Variants in CSGALNACT1 observed in about 807,000 individuals in gnomAD.
The protein encoded by CSGALNACT1 is beta4GalNAcT-1.
Under a neutral mutation model 51.0 loss-of-function variants are expected in CSGALNACT1, and 52 were observed. The ratio of observed to expected loss-of-function variants is 1.02; its 90% CI spans 0.82 to 1.29. CSGALNACT1 has a LOEUF of 1.29. CSGALNACT1 is among the 50% of genes most tolerant of loss of function. The probability of loss-of-function intolerance (pLI) is 0.00; values close to 1 mark genes in which losing one functional copy is unlikely to be tolerated. For missense variants in CSGALNACT1, 935 were observed against 679.2 expected (o/e 1.38, Z -4.19); for synonymous variants, 341 against 254.4 (o/e 1.34, Z -3.24).
intron 6 of CSGALNACT1, among the ~76,000 whole-genome samples, chr8:19,437,981 C>A (rs1044883617): frequency 1.3e-5 from 2 of 152,184 alleles, no homozygotes; most frequent in Non-Finnish European, 2.9e-5. Flanking sequence ...AAAGGTATAG[C>A]CTTAAGCATT....
intron 6 of CSGALNACT1, 105 bp downstream of exon 5, chr8:19,439,725 C>T (rs2060995149): frequency 3.4e-6 from 3 of 876,496 alleles, no homozygotes; most frequent in Non-Finnish European, 5.6e-6. Flanking sequence ...CCCAGTTCAC[C>T]CACAGTGTAA....
intron 3 of CSGALNACT1, among the ~76,000 whole-genome samples, chr8:19,578,491 C>T (rs529779905): frequency 6.6e-6 from 1 of 151,660 alleles, no homozygotes; most frequent in Non-Finnish European, 1.5e-5. Flanking sequence ...AAAATATTAA[C>T]TTTTATTTAA....
intron 6 of CSGALNACT1, among the ~76,000 whole-genome samples, chr8:19,434,375 A>G (rs2060072111): frequency 6.6e-6 from 1 of 152,188 alleles, no homozygotes; most frequent in Admixed American, 6.5e-5. Context: ...ACCCTTGGCT[A>G]GATTCACTAA....
In CSGALNACT1 at chr8:19,757,633, G is replaced by A. The variant is rs2065480292; in HGVS notation, c.-297+217C>T. On this transcript the variant is annotated intron_variant, in intron 1 of 1. Coordinates refer to the CSGALNACT1 transcript ENST00000517494. The surrounding 1 kb of genome is among the most constrained non-coding windows in gnomAD (Gnocchi z 4.0). ...CACTGTGGCGTGGCCCGAGTTGCAGGAGAGAGGTGTCCAATCTCCATGGGG... is the reference window on the plus strand; with the variant it reads ...CACTGTGGCGTGGCCCGAGTTGCAGAAGAGAGGTGTCCAATCTCCATGGGG... 6.6e-6 allele frequency among the ~76,000 whole-genome samples: 1 copy of A among 152,164 alleles called. No individual in the cohort carries two copies. The highest frequency in any genetic ancestry group is 2.4e-5 in the African/African-American group (1 of 41,452).
intron 1 of CSGALNACT1, among the ~76,000 whole-genome samples, chr8:19,656,602 A>AC (rs938546149): frequency 2.4e-4 from 19 of 79,080 alleles, no homozygotes; most frequent in African/African-American, 7.3e-4. Flanking sequence ...CCCCCCCCCC[A>AC]CACACACACA....
At chr8:19,427,613 C>G (rs1445620756) in intron 6 of CSGALNACT1, among the ~76,000 whole-genome samples, 4 of 152,136 alleles carry the variant, frequency 2.6e-5, no homozygotes, top group African/African-American at 7.2e-5. Context: ...ACGGTGAAAC[C>G]CTGTCTCTAC....
At chr8:19,737,086 C>A (rs180891031) in intron 1 of CSGALNACT1, among the ~76,000 whole-genome samples, 181 of 152,192 alleles carry the variant, frequency 1.2e-3, no homozygotes, top group African/African-American at 4.1e-3. Context: ...CAGTTAAATA[C>A]TATATTTTAA....
chr8:19,624,093 C>T (rs1437316542), intron 1 of CSGALNACT1, among the ~76,000 whole-genome samples: 1 of 152,202 alleles, frequency 6.6e-6, no homozygotes, highest in African/African-American at 2.4e-5. Flanking sequence ...TAGTGCCCAG[C>T]ACCATTCTCC....
At chr8:19,569,080 A>T (rs2042469289) in intron 3 of CSGALNACT1, among the ~76,000 whole-genome samples, 1 of 152,242 alleles carries the variant, frequency 6.6e-6, no homozygotes, top group Non-Finnish European at 1.5e-5. Context: ...ATCAATTCTG[A>T]TAATGTAGAA....
At position 19,409,764 on chromosome 8, in the gene CSGALNACT1, A is replaced by G. The variant is rs188634186; in HGVS notation, c.1228-1070T>C. ...CATCTGGTTCTGTTCATCGTTAATT[A>G]GAAACGGTACATGAGAGGGGAGAAG... On this transcript the variant is annotated intron_variant, in intron 8 of 9. Coordinates refer to ENST00000454498, the Ensembl canonical transcript of CSGALNACT1. Among the ~76,000 whole-genome samples the G allele has an allele frequency of 4.6e-5, 7 of 152,302 alleles. No individual in the cohort carries two copies. The East Asian group carries it at 1.4e-3, about 29-fold the overall frequency.
At chr8:19,582,639 A>C (rs1023182456) in intron 3 of CSGALNACT1, among the ~76,000 whole-genome samples, 17 of 152,196 alleles carry the variant, frequency 1.1e-4, no homozygotes, top group African/African-American at 4.1e-4. Flanking sequence ...GATCAGCTGG[A>C]AAGACATAGA....
intron 1 of CSGALNACT1, among the ~76,000 whole-genome samples, chr8:19,743,999 G>A (rs1400185680): frequency 6.6e-6 from 1 of 152,138 alleles, no homozygotes; most frequent in South Asian, 2.1e-4. Context: ...GAAAGCTGAG[G>A]TATGTTATGA....
intron 3 of CSGALNACT1, among the ~76,000 whole-genome samples, chr8:19,525,988 G>A (rs567043857): frequency 6.6e-6 from 1 of 152,252 alleles, no homozygotes; most frequent in African/African-American, 2.4e-5. Context: ...TATCATATGT[G>A]CAAGAATGGG....
At chr8:19,453,225 G>C (rs149756153) in intron 5 of CSGALNACT1, among the ~76,000 whole-genome samples, 5 of 152,044 alleles carry the variant, frequency 3.3e-5, no homozygotes, top group Admixed American at 6.6e-5. Flanking sequence ...TTATTAACAA[G>C]AATATGAATT....
chr8:19,675,745 C>G (rs1589441204), intron 1 of CSGALNACT1, among the ~76,000 whole-genome samples: 1 of 152,100 alleles, frequency 6.6e-6, no homozygotes, highest in African/African-American at 2.4e-5. Flanking sequence ...ACCTCAGCCT[C>G]CTAAAATGCT....
At chr8:19,697,126 A>T (rs1282992147) in intron 1 of CSGALNACT1, among the ~76,000 whole-genome samples, 1 of 152,066 alleles carries the variant, frequency 6.6e-6, no homozygotes, top group Non-Finnish European at 1.5e-5. Context: ...ATCTAGCAGG[A>T]GAGTGGAGGA....
intron 1 of CSGALNACT1, chr8:19,732,474 T>C (rs2063745641): frequency 6.6e-6 from 1 of 152,232 alleles, no homozygotes; most frequent in Admixed American, 6.5e-5. Flanking sequence ...GACCTTTCAC[T>C]TGATATTGTC....
intron 1 of CSGALNACT1, among the ~76,000 whole-genome samples, chr8:19,677,850 A>G (rs774279218): frequency 6.6e-5 from 10 of 152,168 alleles, no homozygotes; most frequent in Non-Finnish European, 1.2e-4. Flanking sequence ...GGGAATGTTA[A>G]AGGTCACAGA....
chr8:19,505,433 A>C (rs761560138), exon 4 of CSGALNACT1: 2 of 1,614,204 alleles, frequency 1.2e-6, no homozygotes, highest in Non-Finnish European at 1.7e-6. Flanking sequence ...TGACGCCAGC[A>C]TTCACCTCTG....
Sources: gnomAD v4.1 joint callset for allele counts (sites outside exome capture counted in the v4.1 genomes callset) on GRCh38, gnomAD v4.1.1 for gene constraint, Gnocchi (gnomAD v3.1) non-coding constraint, MANE v1.5 for transcripts, NCBI Gene and HGNC (gene_info 2026-07-23, HGNC 2026-07-21) for gene names.